Variants in ZNF566 observed in about 807,000 individuals in gnomAD.
ZNF566 encodes the protein zinc finger protein 566.
A neutral mutation model predicts 32.8 loss-of-function variants in ZNF566; 27 were observed. The ratio of observed to expected loss-of-function variants is 0.82; its 90% confidence interval spans 0.61 to 1.14. ZNF566 has a LOEUF of 1.14. Ranked by LOEUF, ZNF566 falls within the 50% of genes most tolerant of loss-of-function variation. The pLI is 0.00. For missense variants in ZNF566, 402 were observed against 490.4 expected, an observed-to-expected ratio of 0.82 and a Z score of 1.70; for synonymous variants, 154 against 159.5, an observed-to-expected ratio of 0.97 and a Z score of 0.26.
chr19:36,455,916 A>G (rs1042361504), intron 4 of ZNF566, among the ~76,000 whole-genome samples: 1 of 151,138 alleles, frequency 6.6e-6, no homozygotes, highest in Non-Finnish European at 1.5e-5. Context: ...GTGGGCGCCT[A>G]TAGTCCCAAC....
In ZNF566 at chr19:36,489,208, G is replaced by A. The variant is rs563039073; in HGVS notation, c.-60+278C>T. Among the ~76,000 whole-genome samples, 4 of 152,182 alleles carry A rather than the reference G, an allele frequency of 2.6e-5. 1 individual carries two copies. In the South Asian group the frequency reaches 8.3e-4, roughly 32 times the overall value. ...GACAAACGCAGTAACACTCAACCAG[G>A]CACAAGCTCCCCACAGCCGCACACA... On this transcript the variant is annotated intron_variant, in intron 1 of 4. Transcript: ENST00000452939.
chr19:36,475,472 C>T (rs957077126), intron 2 of ZNF566, among the ~76,000 whole-genome samples: 3 of 152,142 alleles, frequency 2.0e-5, no homozygotes, highest in Non-Finnish European at 4.4e-5. Context: ...CAAACAAAAC[C>T]ACAGCATGTA....
At chr19:36,462,754 C>T (rs2912415) in intron 4 of ZNF566, among the ~76,000 whole-genome samples, 41,265 of 150,972 alleles carry the variant, frequency 0.27, 5,848 homozygotes, top group South Asian at 0.37. Flanking sequence ...AATCCCATTT[C>T]CTCCCATCCT....
chr19:36,471,840 A>T (rs2945975), intron 4 of ZNF566, among the ~76,000 whole-genome samples: 83,216 of 151,634 alleles, frequency 0.55, 23,235 homozygotes, highest in African/African-American at 0.62. Context: ...CCTCCTGGGT[A>T]CAAGTGATTC....
rs752987602 is a variant in ZNF566, at chr19:36,473,378, T to C, written c.90A>G (p.Leu30=). The change falls in exon 3 of 5, where the codon TTA becomes TTG. Residue 30 remains leucine, a synonymous_variant. Coordinates refer to ENST00000452939, the MANE Select transcript of ZNF566 (RefSeq NM_001145344.1). ...WECLNDDQRD[L]YRDVMLENYS... is the part of the protein sequence containing the mutation. Reference sequence around the variant, plus strand: ...AATTCTCCAACATCACATCTCTGTATAAATCTCTCTGATCATCATTCAGGC... The same window carrying C: ...AATTCTCCAACATCACATCTCTGTACAAATCTCTCTGATCATCATTCAGGC... 2 of 1,613,896 alleles carry C rather than the reference T, an allele frequency of 1.2e-6. No individual in the cohort carries two copies. Among genetic ancestry groups the C allele is most frequent in the South Asian group, 2.2e-5 (2 of 91,070 alleles).
At chr19:36,465,535 G>A (rs974234552) in intron 4 of ZNF566, among the ~76,000 whole-genome samples, 31 of 151,674 alleles carry the variant, frequency 2.0e-4, no homozygotes, top group African/African-American at 7.0e-4. Context: ...GCGGTGGCAC[G>A]ATCTCAACTC....
At chr19:36,459,216 A>G (rs1243622726) in intron 4 of ZNF566, among the ~76,000 whole-genome samples, 1 of 152,200 alleles carries the variant, frequency 6.6e-6, no homozygotes, top group African/African-American at 2.4e-5. Flanking sequence ...ATGATATAGA[A>G]CCCTAATAAA....
chr19:36,485,269 TA>T (rs1395141970), intron 1 of ZNF566, among the ~76,000 whole-genome samples: 2 of 72,996 alleles, frequency 2.7e-5, no homozygotes, highest in African/African-American at 6.6e-5. Flanking sequence ...ATGCTATCTC[TA>T]CAAAAAAAAA....
At chr19:36,475,812 C>T (rs2145691936) in intron 2 of ZNF566, among the ~76,000 whole-genome samples, 1 of 152,222 alleles carries the variant, frequency 6.6e-6, no homozygotes, top group South Asian at 2.1e-4. Context: ...AAAATTATTC[C>T]AAACCTGATC....
Position 36,449,495 on chromosome 19 carries a change from T to C in ZNF566, c.739A>G (p.Arg247Gly), listed in dbSNP as rs760993726. 1.2e-6 allele frequency: 2 copies of C among 1,614,184 alleles called. No homozygotes were observed. The highest frequency in any genetic ancestry group is 1.7e-6 in the Non-Finnish European group (2 of 1,180,034). Residue 247 changes from arginine (R) to glycine (G), a missense_variant, in exon 5 of 5, where the codon AGA (arginine) becomes GGA (glycine). Transcript: ENST00000452939. ...ICGSDLTRHHRIHTGEKPYEC... is the reference protein window; with the variant it reads ...ICGSDLTRHHGIHTGEKPYEC... The stretch of plus-strand genomic sequence containing the variant: ...TAGGGTTTCTCACCAGTGTGAATTC[T>C]GTGATGTCGAGTAAGGTCTGAGCCA...
chr19:36,477,794 G>C (rs909861213), intron 1 of ZNF566, among the ~76,000 whole-genome samples: 2 of 151,820 alleles, frequency 1.3e-5, no homozygotes, highest in Non-Finnish European at 2.9e-5. Context: ...GATTATAAGC[G>C]TGAGACACCA....
chr19:36,463,072 G>A (rs1026048730), intron 4 of ZNF566, among the ~76,000 whole-genome samples: 6 of 150,220 alleles, frequency 4.0e-5, no homozygotes, highest in Admixed American at 1.3e-4. Flanking sequence ...GGGAGGCCAA[G>A]ATGGGAGGAC....
chr19:36,488,789 A>C (rs917456017), intron 1 of ZNF566, among the ~76,000 whole-genome samples: 1 of 152,228 alleles, frequency 6.6e-6, no homozygotes, highest in South Asian at 2.1e-4. Context: ...ACATTCATAT[A>C]AAGTTTTAAA....
At chr19:36,468,940 G>T (rs1312755822) in intron 4 of ZNF566, among the ~76,000 whole-genome samples, 4 of 151,186 alleles carry the variant, frequency 2.6e-5, no homozygotes, top group Non-Finnish European at 5.9e-5. Context: ...AGCACCCTCT[G>T]GGAACCAATA....
chr19:36,472,533 G>C (rs143908234), intron 4 of ZNF566, among the ~76,000 whole-genome samples: 109 of 152,272 alleles, frequency 7.2e-4, no homozygotes, highest in African/African-American at 2.6e-3. Flanking sequence ...AAAAAACTTA[G>C]TAAAAGCAAA....
chr19:36,458,162 A>G (rs950341295), intron 4 of ZNF566, among the ~76,000 whole-genome samples: 1 of 152,224 alleles, frequency 6.6e-6, no homozygotes, highest in Non-Finnish European at 1.5e-5. Context: ...TGTTCATTGC[A>G]GCATCATTCA....
chr19:36,450,038 CTT>C, intron 4 of ZNF566, 37 bp from the exon 5 acceptor site: 1 of 1,530,760 alleles, frequency 6.5e-7, no homozygotes, highest in Non-Finnish European at 8.8e-7. Context: ...TCACATTTTT[CTT>C]GTTTGGGAGA....
intron 1 of ZNF566, among the ~76,000 whole-genome samples, chr19:36,485,735 C>T (rs1568535142): frequency 6.6e-6 from 1 of 151,426 alleles, no homozygotes; most frequent in African/African-American, 2.4e-5. Flanking sequence ...GCACTCCAGC[C>T]TGGGGGACAA....
chr19:36,486,985 G>C lies in ZNF566; in HGVS notation c.-60+2501C>G, dbSNP rs76403937. Among the ~76,000 whole-genome samples the C allele has an allele frequency of 5.2e-3, 790 of 151,082 alleles. 22 individuals carry two copies. Among genetic ancestry groups the C allele is most frequent in the Admixed American group, 0.037 (560 of 15,184 alleles). On this transcript the variant is annotated intron_variant, in intron 1 of 4. Transcript: ENST00000452939. Reference sequence around the variant, plus strand: ...CGCACCTGTAATCCCAGCTACTCGGGAGGCTGAGGCAGGAGAATGGCGTGA... The same window carrying C: ...CGCACCTGTAATCCCAGCTACTCGGCAGGCTGAGGCAGGAGAATGGCGTGA...
Sources: gnomAD v4.1 joint callset for allele counts (sites outside exome capture counted in the v4.1 genomes callset) on GRCh38, gnomAD v4.1.1 for gene constraint, MANE v1.5 for transcripts, NCBI Gene and HGNC (gene_info 2026-07-23, HGNC 2026-07-21) for gene names.